The following RNF220 variants were observed in gnomAD, a reference collection of about 807,000 sequenced individuals.
RNF220 encodes ring finger protein 220, also known as E3 ubiquitin-protein ligase RNF220.
A neutral mutation model predicts 67.1 loss-of-function variants in RNF220; 7 were observed. That is an observed-to-expected ratio of 0.10 (90% CI 0.06 to 0.20). The LOEUF (loss-of-function observed/expected upper bound fraction) is 0.20. RNF220 is among the 10% of genes least tolerant of loss of function. The probability of loss-of-function intolerance (pLI) is 1.00; values close to 1 mark genes in which losing one functional copy is unlikely to be tolerated. For missense variants in RNF220, 565 were observed against 740.3 expected (o/e 0.76, Z 2.75); for synonymous variants, 270 against 283.2 (o/e 0.95, Z 0.47).
chr1:44,464,842 T>TAA (rs1654124929), intron 2 of RNF220, among the ~76,000 whole-genome samples: 1 of 152,190 alleles, frequency 6.6e-6, no homozygotes, highest in Non-Finnish European at 1.5e-5. Context: ...TCTCCTTGTC[T>TAA]CTGGTCTCAT....
At chr1:44,517,131 G>T (rs986875029) in intron 2 of RNF220, among the ~76,000 whole-genome samples, 1 of 152,096 alleles carries the variant, frequency 6.6e-6, no homozygotes, top group Admixed American at 6.6e-5. Context: ...CCAGGCATCA[G>T]CATCTGTCCT....
chr1:44,619,798 C>CCTTCAGCAGACT (rs1553123636), intron 3 of RNF220, among the ~76,000 whole-genome samples: 2 of 152,104 alleles, frequency 1.3e-5, no homozygotes, highest in Non-Finnish European at 2.9e-5. Context: ...TGAGGCAGGC[C>CCTTCAGCAGACT]CTTCAGCAGA....
chr1:44,438,796 C>T (rs1651247693), intron 2 of RNF220, among the ~76,000 whole-genome samples: 1 of 152,202 alleles, frequency 6.6e-6, no homozygotes, highest in South Asian at 2.1e-4. Context: ...ATGTATCATT[C>T]CAGCTTCCTT....
chr1:44,497,117 G>A (rs976407745), intron 2 of RNF220, among the ~76,000 whole-genome samples: 9 of 152,022 alleles, frequency 5.9e-5, no homozygotes, highest in Non-Finnish European at 8.8e-5. Flanking sequence ...GCTAAGCAAC[G>A]GTTACACTAG....
chr1:44,643,199 G>A (rs1644536957), intron 8 of RNF220: 1 of 152,336 alleles, frequency 6.6e-6, no homozygotes, highest in Non-Finnish European at 1.5e-5. Flanking sequence ...CTTTGGGATT[G>A]GTGGTGTCTT....
chr1:44,590,765 G>T (rs1029761154), intron 2 of RNF220, among the ~76,000 whole-genome samples: 1 of 152,178 alleles, frequency 6.6e-6, no homozygotes, highest in South Asian at 2.1e-4. Flanking sequence ...CACTCACTGT[G>T]CCAGGCCCTG....
rs189760037 is a variant in RNF220 at position 44,573,911 on chromosome 1, C to T, written c.626-40254C>T. ...GGTGGATTGCTTGAGCCCAGGAGTTCGAGACCAGCCTGGGCAACACGGCAC... is the reference window on the plus strand; with the variant it reads ...GGTGGATTGCTTGAGCCCAGGAGTTTGAGACCAGCCTGGGCAACACGGCAC... On this transcript the variant is annotated intron_variant, in intron 2 of 14. Transcript: ENST00000361799. Among the ~76,000 whole-genome samples, 6 of 151,970 alleles carry T rather than the reference C, an allele frequency of 3.9e-5. No individual in the cohort carries two copies. The East Asian group carries it at 1.2e-3, about 29-fold the overall frequency.
intron 2 of RNF220, among the ~76,000 whole-genome samples, chr1:44,435,785 C>A (rs748046288): frequency 6.6e-6 from 1 of 152,124 alleles, no homozygotes; most frequent in Non-Finnish European, 1.5e-5. Flanking sequence ...TAAAAATTAT[C>A]CGGGCATGGT....
Position 44,635,398 on chromosome 1 carries a change from G to A in RNF220, c.950-147G>A, listed in dbSNP as rs993165617. 18 of 1,241,260 alleles carry A rather than the reference G, an allele frequency of 1.5e-5. No homozygotes were observed. In the African/African-American group the frequency reaches 1.7e-4, roughly 11 times the overall value. 76.9% of individuals were successfully genotyped at this position (1,241,260 alleles called of 1,614,324 possible). ...AAGCCCAGTCCCCAAAGGAGCAGGA[G>A]GTATTTCAAGATGAGGGCCAGATCA... On this transcript the variant is annotated intron_variant, in intron 6 of 14. Transcript: ENST00000361799.
chr1:44,623,366 T>C (rs1643867111), intron 4 of RNF220, among the ~76,000 whole-genome samples: 1 of 152,056 alleles, frequency 6.6e-6, no homozygotes, highest in South Asian at 2.1e-4. Flanking sequence ...AAAGGGAAAG[T>C]GAAGAGCAAA....
intron 2 of RNF220, among the ~76,000 whole-genome samples, chr1:44,564,774 C>G (rs895988943): frequency 3.3e-5 from 5 of 151,202 alleles, no homozygotes; most frequent in Admixed American, 1.3e-4. Context: ...AAAAAAGAAC[C>G]ACTATTCTGT....
chr1:44,504,075 C>T (rs1158621277), intron 2 of RNF220, among the ~76,000 whole-genome samples: 2 of 152,104 alleles, frequency 1.3e-5, no homozygotes, highest in East Asian at 1.9e-4. Flanking sequence ...GTCTCGATCT[C>T]CTGACCTTGT....
intron 2 of RNF220, among the ~76,000 whole-genome samples, chr1:44,508,486 C>T (rs967400169): frequency 6.6e-6 from 1 of 152,204 alleles, no homozygotes; most frequent in African/African-American, 2.4e-5. Context: ...TTAGTTTCCG[C>T]TCTTGGGCTG....
At chr1:44,644,617 A>C in intron 8 of RNF220, 81 bp from the exon 9 acceptor site, 6 of 1,091,014 alleles carry the variant, frequency 5.5e-6, no homozygotes, top group African/African-American at 1.5e-5. Flanking sequence ...TCCAAAGCCT[A>C]ACCCCTACCT....
At chr1:44,413,398 T>C (rs1312417895) in intron 2 of RNF220, among the ~76,000 whole-genome samples, 1 of 152,224 alleles carries the variant, frequency 6.6e-6, no homozygotes, top group Non-Finnish European at 1.5e-5. Flanking sequence ...GTGTGACTGC[T>C]CCAAATTTGA....
rs1031224276 is a variant in RNF220 at position 44,594,619 on chromosome 1, G to A, written c.626-19546G>A. ...TGTCCCCAGACCCTATTGCCCCACC[G>A]CCCTGGCTCAGGCTGGTATCCAGAA... On this transcript the variant is annotated intron_variant, in intron 2 of 14. Coordinates refer to ENST00000361799, the MANE Select transcript of RNF220 (RefSeq NM_018150.4). Among the ~76,000 whole-genome samples the A allele has an allele frequency of 1.1e-4, 16 of 151,654 alleles. 1 individual carries two copies. Among genetic ancestry groups the A allele is most frequent in the South Asian group, 1.0e-3 (5 of 4,828 alleles).
intron 12 of RNF220, among the ~76,000 whole-genome samples, chr1:44,646,060 A>G (rs1644636805): frequency 6.6e-6 from 1 of 152,176 alleles, no homozygotes; most frequent in African/African-American, 2.4e-5. Context: ...CCTTCCCAGA[A>G]GCCCAAGGAA....
At chr1:44,503,277 T>A (rs536559997) in intron 2 of RNF220, among the ~76,000 whole-genome samples, 1 of 135,324 alleles carries the variant, frequency 7.4e-6, no homozygotes, top group Non-Finnish European at 1.5e-5. Flanking sequence ...GAGGTTGCAG[T>A]GAACCGAGAT....
rs183232031 is a variant in RNF220 at position 44,515,287 on chromosome 1, A to G, written c.626-98878A>G. Among the ~76,000 whole-genome samples the G allele has an allele frequency of 3.4e-3, 521 of 152,300 alleles. 4 individuals are homozygous for G. Among genetic ancestry groups the G allele is most frequent in the Middle Eastern group, 6.8e-3 (2 of 294 alleles). ...TAGCAGGGTATAGAATCAAATGGAA[A>G]TGGGGCTCTTAGAGCTGTGGCAGTT... On this transcript the variant is annotated intron_variant, in intron 2 of 14. Coordinates refer to ENST00000361799, the MANE Select transcript of RNF220 (RefSeq NM_018150.4).
Sources: allele counts gnomAD v4.1 joint callset (sites outside exome capture counted in the v4.1 genomes callset), GRCh38; gene constraint gnomAD v4.1.1; transcripts MANE v1.5; gene names NCBI Gene and HGNC (gene_info 2026-07-23, HGNC 2026-07-21).